Variants in ACP3 observed in about 807,000 individuals in gnomAD.
ACP3 encodes acid phosphatase 3.
In ACP3, 38 loss-of-function variants were observed where a neutral mutation model predicts 45.6. The observed-to-expected ratio is 0.83, with a 90% CI of 0.64 to 1.09. ACP3 has a LOEUF of 1.09. Among genes scored for constraint, ACP3 ranks in the 50% least tolerant of loss-of-function variants. ACP3 has a pLI of 0.00. For synonymous variants in ACP3, 162 were observed against 164.7 expected (o/e 0.98, Z 0.13); for missense variants, 466 against 463.2 (o/e 1.01, Z -0.05).
intron 9 of ACP3, among the ~76,000 whole-genome samples, chr3:132,355,123 T>C (rs1373802301): frequency 2.0e-5 from 3 of 152,242 alleles, no homozygotes; most frequent in African/African-American, 7.2e-5. Flanking sequence ...TCAAGAGTGC[T>C]GTGCTCACTT....
chr3:132,338,510 G>C (rs1439795193), intron 5 of ACP3, among the ~76,000 whole-genome samples: 1 of 152,146 alleles, frequency 6.6e-6, no homozygotes, highest in African/African-American at 2.4e-5. Context: ...AGTTTCACAA[G>C]AATACCTGTG....
At chr3:132,350,184 CAAG>C (rs3217658) in intron 8 of ACP3, among the ~76,000 whole-genome samples, 182 bp downstream of exon 8, 72,111 of 151,768 alleles carry the variant, frequency 0.48, 17,891 homozygotes, top group Middle Eastern at 0.65. Context: ...TCTAAACTAA[CAAG>C]AAGACAAACA....
chr3:132,331,561 TGA>T, intron 2 of ACP3, 84 bp from the exon 3 acceptor site: 1 of 1,024,820 alleles, frequency 9.8e-7, no homozygotes, highest in Admixed American at 2.8e-5. Context: ...ACACACATAA[TGA>T]AAAAAAAAAT....
exon 11 of ACP3, chr3:132,367,867 C>G (rs558639776): frequency 1.5e-6 from 2 of 1,356,644 alleles, no homozygotes; most frequent in African/African-American, 2.9e-5. Context: ...GACACAGCAT[C>G]TCTCAGTGGT....
chr3:132,352,711 T>C lies in ACP3; in HGVS notation c.865-9T>C. On this transcript the variant is annotated splice_polypyrimidine_tract_variant and intron_variant, in intron 8 of 9. Transcript: ENST00000336375. Reference sequence around the variant, plus strand: ...GAACAGGCGATAAAATTGATTTCAATCTCTGTAGCATGACACTACTGTGAG... The same window carrying C: ...GAACAGGCGATAAAATTGATTTCAACCTCTGTAGCATGACACTACTGTGAG... The C allele has an allele frequency of 6.3e-7, 1 of 1,596,692 alleles. No individual in the cohort carries two copies. The highest frequency in any genetic ancestry group is 1.1e-5 in the South Asian group (1 of 90,706).
chr3:132,351,531 C>T (rs1183578704), intron 8 of ACP3, among the ~76,000 whole-genome samples: 1 of 152,076 alleles, frequency 6.6e-6, no homozygotes, highest in Non-Finnish European at 1.5e-5. Context: ...CTGAAGATGC[C>T]AGGAAGTTTG....
chr3:132,349,799 T>C (rs1364496728), intron 7 of ACP3, 121 bp from the exon 8 acceptor site: 7 of 667,086 alleles, frequency 1.0e-5, no homozygotes, highest in Admixed American at 2.6e-5. Flanking sequence ...AAATTAGATC[T>C]TTGCCCCTCT....
rs1007367565 is a variant in ACP3 at position 132,342,439 on chromosome 3, C to T, written c.556-113C>T. 33 of 677,102 alleles carry T rather than the reference C, an allele frequency of 4.9e-5. No homozygotes were observed. The African/African-American group carries it at 6.0e-4, about 12-fold the overall frequency. 41.9% of individuals were successfully genotyped at this position (677,102 alleles called of 1,614,324 possible). ...AGAGGCCAGGATACTGTGAAACATC[C>T]TATAATGCACAGGAGAGCTCCCTAC... On this transcript the variant is annotated intron_variant, in intron 5 of 9. Transcript: ENST00000336375.
At chr3:132,356,349 AAC>A (rs916997692) in intron 9 of ACP3, among the ~76,000 whole-genome samples, 38 of 152,204 alleles carry the variant, frequency 2.5e-4, no homozygotes, top group Admixed American at 1.9e-3. Context: ...AGGAAAACCC[AAC>A]ACCCCCACCT....
At chr3:132,361,337 A>G (rs1279714995), downstream of ACP3, among the ~76,000 whole-genome samples, 1 of 152,026 alleles carries the variant, frequency 6.6e-6, no homozygotes. Context: ...ATATCTCACC[A>G]TTTGCTAAAG....
chr3:132,337,372 A>T, intron 4 of ACP3, 84 bp from the exon 5 acceptor site: 1 of 843,474 alleles, frequency 1.2e-6, no homozygotes. Context: ...CTTTGAACCT[A>T]ATGAGGCTTA....
intron 1 of ACP3, among the ~76,000 whole-genome samples, chr3:132,324,340 T>A (rs1937258499): frequency 6.6e-6 from 1 of 152,162 alleles, no homozygotes; most frequent in Non-Finnish European, 1.5e-5. Flanking sequence ...TTTAGCAGAT[T>A]CAGTGGAGCA....
intron 7 of ACP3, among the ~76,000 whole-genome samples, chr3:132,345,857 C>T (rs1937603639): frequency 6.6e-6 from 1 of 152,154 alleles, no homozygotes; most frequent in African/African-American, 2.4e-5. Flanking sequence ...ATGAGAGAAA[C>T]TGGATGGGCA....
At chr3:132,337,063 G>GGT (rs113543420) in intron 4 of ACP3, among the ~76,000 whole-genome samples, 17,866 of 144,874 alleles carry the variant, frequency 0.12, 1,192 homozygotes, top group African/African-American at 0.21. Context: ...CATGCGTTGG[G>GGT]GTGTGTGTGT....
Position 132,358,333 on chromosome 3 carries a change from T to G in ACP3, c.*1455T>G. ...AAAACTTATTGGAATGTTGAGAGTG[T>G]GGTTACGAAATACGTTAGGAGGACA... On this transcript the variant is annotated 3_prime_UTR_variant, in exon 10 of 10. Transcript: ENST00000336375. 2.7e-6 allele frequency: 3 copies of G among 1,110,354 alleles called. No homozygotes were observed. The highest frequency in any genetic ancestry group is 3.4e-6 in the Non-Finnish European group (3 of 891,018). 68.8% of individuals were successfully genotyped at this position (1,110,354 alleles called of 1,614,324 possible). A position where few individuals can be genotyped will look rare whatever the true frequency, so the allele number is the denominator to read the frequency against.
At position 132,358,236 on chromosome 3, in the gene ACP3, A is replaced by C; in HGVS notation, c.*1358A>C. 9.0e-7 allele frequency: 1 copy of C among 1,114,692 alleles called. No homozygotes were observed. The highest frequency in any genetic ancestry group is 1.1e-6 in the Non-Finnish European group (1 of 900,470). The allele number at this position is 1,114,692 out of a possible 1,614,324, so 69.1% of individuals were successfully genotyped here. ...GTGAGACACTGTCTCTACCAAAAAA[A>C]GGAAGGAAGGGACACATATCAAACT... On this transcript the variant is annotated 3_prime_UTR_variant, in exon 10 of 10. Transcript: ENST00000336375.
At chr3:132,343,519 T>G (rs554386751) in intron 6 of ACP3, among the ~76,000 whole-genome samples, 1 of 152,188 alleles carries the variant, frequency 6.6e-6, no homozygotes, top group Non-Finnish European at 1.5e-5. Flanking sequence ...CCATTTTTGT[T>G]CCAGTCATAA....
intron 2 of ACP3, among the ~76,000 whole-genome samples, chr3:132,331,125 G>A (rs1176634747): frequency 6.7e-6 from 1 of 148,648 alleles, no homozygotes; most frequent in Admixed American, 6.6e-5. Flanking sequence ...ATGCTTTTAA[G>A]TGAAGCCAAT....
chr3:132,328,485 C>A (rs1336534228), intron 2 of ACP3, 123 bp downstream of exon 2: 4 of 651,010 alleles, frequency 6.1e-6, no homozygotes, highest in Non-Finnish European at 1.0e-5. Flanking sequence ...TCGAGACCAG[C>A]CTGGCCAACG....
Sources: allele counts gnomAD v4.1 joint callset (sites outside exome capture counted in the v4.1 genomes callset), GRCh38; gene constraint gnomAD v4.1.1; transcripts MANE v1.5; gene names NCBI Gene and HGNC (gene_info 2026-07-23, HGNC 2026-07-21).